Variants in MYL9 observed in about 807,000 individuals in gnomAD.
MYL9 encodes the protein myosin light chain 9, also known as myosin regulatory light polypeptide 9.
In MYL9, 7 loss-of-function variants were observed where a neutral mutation model predicts 12.8. That is an observed-to-expected ratio of 0.55 (90% CI 0.31 to 1.03). The LOEUF is 1.03. Ranked by LOEUF, MYL9 falls within the 50% of genes least tolerant of loss-of-function variation. The pLI is 0.05. For missense variants in MYL9, 190 were observed against 242.7 expected (o/e 0.78, Z 1.44); for synonymous variants, 81 against 87.8 (o/e 0.92, Z 0.43).
chr20:36,548,903 T>C (rs560224892), intron 3 of MYL9, among the ~76,000 whole-genome samples, 174 bp from the exon 4 acceptor site: 8 of 152,132 alleles, frequency 5.3e-5, no homozygotes, highest in African/African-American at 1.9e-4. Context: ...CCCCTTCACG[T>C]GCACCCCCAC....
intron 2 of MYL9, 103 bp downstream of exon 2, chr20:36,545,171 T>C: frequency 7.6e-7 from 1 of 1,308,074 alleles, no homozygotes; most frequent in Non-Finnish European, 1.1e-6. Context: ...GTGTCCACCT[T>C]AGAGAATAGT....
chr20:36,546,641 A>C (rs115046887), intron 2 of MYL9, among the ~76,000 whole-genome samples: 2,668 of 150,990 alleles, frequency 0.018, 90 homozygotes, highest in African/African-American at 0.062. Flanking sequence ...CCGAGACAAA[A>C]TCTCACTCTG....
chr20:36,549,463 C>G lies in MYL9; in HGVS notation c.*214C>G. On this transcript the variant is annotated 3_prime_UTR_variant, in exon 4 of 4. Transcript: ENST00000279022. ...ACCCCAGAGCCCTGGGCTATAGTCTCTGACCCCTCCAAGGAAAGACCACCT... is the reference window on the plus strand; with the variant it reads ...ACCCCAGAGCCCTGGGCTATAGTCTGTGACCCCTCCAAGGAAAGACCACCT... The G allele has an allele frequency of 1.9e-6, 1 of 525,272 alleles. No homozygotes were observed. The highest frequency in any genetic ancestry group is 3.4e-6 in the Non-Finnish European group (1 of 294,294). 32.5% of individuals were successfully genotyped at this position (525,272 alleles called of 1,614,324 possible).
chr20:36,548,728 A>T (rs1341141430), intron 3 of MYL9, among the ~76,000 whole-genome samples: 2 of 152,184 alleles, frequency 1.3e-5, no homozygotes, highest in African/African-American at 4.8e-5. Flanking sequence ...GGGAATCAGC[A>T]CTGCAACTCA....
chr20:36,547,055 G>A (rs150201754), intron 2 of MYL9, among the ~76,000 whole-genome samples: 32 of 152,254 alleles, frequency 2.1e-4, no homozygotes, highest in African/African-American at 7.5e-4. Flanking sequence ...CAGGGTATGT[G>A]AGGCTCAGGG....
chr20:36,548,223 A>C lies in MYL9; in HGVS notation c.346+30A>C, dbSNP rs540566911. On this transcript the variant is annotated intron_variant, in intron 3 of 3. Coordinates refer to ENST00000279022, the MANE Select transcript of MYL9 (RefSeq NM_006097.5). ...GTGGCGCCCCCTACCACCACTCTGCATGCAAGTGGAACAGGGCCCAGGCAT... is the reference window on the plus strand; with the variant it reads ...GTGGCGCCCCCTACCACCACTCTGCCTGCAAGTGGAACAGGGCCCAGGCAT... 23 of 1,581,830 alleles carry C rather than the reference A, an allele frequency of 1.5e-5. No individual in the cohort carries two copies. In the South Asian group the frequency reaches 2.3e-4, roughly 16 times the overall value.
At chr20:36,545,659 T>A (rs117441983) in intron 2 of MYL9, among the ~76,000 whole-genome samples, 2 of 148,012 alleles carry the variant, frequency 1.4e-5, no homozygotes, top group Admixed American at 6.7e-5. Flanking sequence ...GGCCAGGCGC[T>A]GTGGCTCACG....
At position 36,542,018 on chromosome 20, in the gene MYL9, C is replaced by A. The variant is rs533526952; in HGVS notation, c.-27+457C>A. 5.9e-5 allele frequency among the ~76,000 whole-genome samples: 9 copies of A among 152,254 alleles called. No individual in the cohort carries two copies. The Middle Eastern group carries it at 0.01, about 173-fold the overall frequency. ...GTGGGACTCCACGCCCCCACAGCAT[C>A]TGTGTCCCCTCCCCATCTCCCATCC... is the stretch of plus-strand genomic sequence containing the variant. On this transcript the variant is annotated intron_variant, in intron 1 of 3. Coordinates refer to ENST00000279022, the MANE Select transcript of MYL9 (RefSeq NM_006097.5).
chr20:36,547,610 G>GTCTCC (rs2038116031), intron 2 of MYL9, among the ~76,000 whole-genome samples: 1 of 152,178 alleles, frequency 6.6e-6, no homozygotes, highest in African/African-American at 2.4e-5. Context: ...GTCTACTCAA[G>GTCTCC]TCTCCTCCTT....
intron 1 of MYL9, among the ~76,000 whole-genome samples, chr20:36,543,971 G>T (rs1469238504): frequency 6.6e-6 from 1 of 152,154 alleles, no homozygotes; most frequent in Non-Finnish European, 1.5e-5. Context: ...CTCACACAGG[G>T]CCTTGAATGC....
intron 2 of MYL9, among the ~76,000 whole-genome samples, chr20:36,546,349 C>T (rs2038099641): frequency 6.6e-6 from 1 of 152,180 alleles, no homozygotes; most frequent in South Asian, 2.1e-4. Flanking sequence ...GAGGACACAG[C>T]CCCGTGACAG....
chr20:36,551,363 T>C lies in MYL9; in HGVS notation c.*2114T>C, dbSNP rs2038164506. On this transcript the variant is annotated 3_prime_UTR_variant, in exon 4 of 4. Coordinates refer to ENST00000279022, the MANE Select transcript of MYL9 (RefSeq NM_006097.5). The stretch of plus-strand genomic sequence containing the variant: ...AGCCACAAAGGAAAATACTGGCAGA[T>C]TTAAATGCATGAAGTCAACATTCTT... 1 of 152,198 alleles carries C rather than the reference T, an allele frequency of 6.6e-6. No individual in the cohort carries two copies. Among genetic ancestry groups the C allele is most frequent in the African/African-American group, 2.4e-5 (1 of 41,450 alleles). 9.4% of individuals were successfully genotyped at this position (152,198 alleles called of 1,614,324 possible).
intron 3 of MYL9, 123 bp downstream of exon 3, chr20:36,548,316 T>C (rs1426907625): frequency 1.5e-6 from 2 of 1,313,848 alleles, no homozygotes; most frequent in African/African-American, 1.5e-5. Context: ...ACCAGAACTA[T>C]AAAAGCCAGG....
intron 3 of MYL9, among the ~76,000 whole-genome samples, chr20:36,548,757 C>T (rs2038133529): frequency 6.6e-6 from 1 of 152,126 alleles, no homozygotes; most frequent in African/African-American, 2.4e-5. Flanking sequence ...AACTCCAGAG[C>T]TCACGCTTAA....
At chr20:36,541,886 G>C (rs555538998) in intron 1 of MYL9, among the ~76,000 whole-genome samples, 7 of 152,280 alleles carry the variant, frequency 4.6e-5, no homozygotes, top group South Asian at 2.1e-4. Context: ...CAGAGCTCCG[G>C]GGGGGGCTGG....
rs1475154848 is a variant in MYL9, at chr20:36,551,436, T to G, written c.*2187T>G. The stretch of plus-strand genomic sequence containing the variant: ...AAGCAAAATTAAAAGCCAAATGCAT[T>G]CTGGGAGGAAATACCTGCAGCATAT... On this transcript the variant is annotated 3_prime_UTR_variant, in exon 4 of 4. Transcript: ENST00000279022. The G allele has an allele frequency of 6.6e-6, 1 of 152,202 alleles. No homozygotes were observed. The highest frequency in any genetic ancestry group is 1.5e-5 in the Non-Finnish European group (1 of 68,046). The allele number at this position is 152,202 out of a possible 1,614,324, so 9.4% of individuals were successfully genotyped here.
At position 36,549,412 on chromosome 20, in the gene MYL9, G is replaced by A. The variant is rs961461928; in HGVS notation, c.*163G>A. On this transcript the variant is annotated 3_prime_UTR_variant, in exon 4 of 4. Transcript: ENST00000279022. The stretch of plus-strand genomic sequence containing the variant: ...AAACAGGCCAGGAGAAGTGCGTGCC[G>A]AGCTGAGGCAGATGTTCCCACAGTG... 2.9e-5 allele frequency: 19 copies of A among 654,100 alleles called. No homozygotes were observed. Among genetic ancestry groups the A allele is most frequent in the African/African-American group, 9.1e-5 (5 of 54,726 alleles). The allele number at this position is 654,100 out of a possible 1,614,324, so 40.5% of individuals were successfully genotyped here. A position where few individuals can be genotyped will look rare whatever the true frequency, so the allele number is the denominator to read the frequency against.
chr20:36,549,249 G>A lies in MYL9; in HGVS notation c.519G>A (p.Ter173=), dbSNP rs746757196. The A allele has an allele frequency of 2.5e-6, 4 of 1,606,598 alleles. No homozygotes were observed. The African/African-American group carries it at 4.0e-5, about 16-fold the overall frequency. ...ATGGCGCCAAGGATAAAGACGACTA[G>A]GCCACCCCAGCCCCCTGACACCCCA... ...LKHGAKDKDD[*] is the part of the protein sequence containing the mutation. The change falls in exon 4 of 4, where the codon TAG becomes TAA. Residue 173 remains the stop codon, a stop_retained_variant. Coordinates refer to ENST00000279022, the MANE Select transcript of MYL9 (RefSeq NM_006097.5).
chr20:36,544,992 G>A lies in MYL9; in HGVS notation c.108G>A (p.Glu36=), dbSNP rs753435834. Residue 36 remains glutamate, a synonymous_variant, in exon 2 of 4, where the codon GAG becomes GAA. Transcript: ENST00000279022. Reference sequence around the variant, plus strand: ...AGTCCCAGATCCAGGAGTTTAAGGAGGCTTTCAACATGATTGACCAGAACC... The same window carrying A: ...AGTCCCAGATCCAGGAGTTTAAGGAAGCTTTCAACATGATTGACCAGAACC... The part of the protein sequence containing the change: ...FDQSQIQEFK[E]AFNMIDQNRD... The A allele has an allele frequency of 1.9e-6, 3 of 1,613,894 alleles. No homozygotes were observed. Among genetic ancestry groups the A allele is most frequent in the Non-Finnish European group, 2.5e-6 (3 of 1,180,036 alleles).
Sources: gnomAD v4.1 joint callset for allele counts (sites outside exome capture counted in the v4.1 genomes callset) on GRCh38, gnomAD v4.1.1 for gene constraint, MANE v1.5 for transcripts, NCBI Gene and HGNC (gene_info 2026-07-23, HGNC 2026-07-21) for gene names.